The following TENM1 variants were observed in gnomAD, a reference collection of about 807,000 sequenced individuals.
TENM1 encodes the protein teneurin-1.
TENM1 carries 35 observed loss-of-function variants against 174.8 expected under a neutral mutation model. The observed-to-expected ratio is 0.20, with a 90% confidence interval of 0.15 to 0.27. The LOEUF (loss-of-function observed/expected upper bound fraction) is 0.27, where lower values mean the gene tolerates loss of function less well. Ranked by LOEUF, TENM1 falls within the 10% of genes least tolerant of loss-of-function variation. The pLI is 1.00. For missense variants in TENM1, 1,633 were observed against 2,130.1 expected, an observed-to-expected ratio of 0.77 and a Z score of 4.59; for synonymous variants, 781 against 798.7, an observed-to-expected ratio of 0.98 and a Z score of 0.37.
chrX:124,399,377 C>G (rs2060374551), intron 27 of TENM1, among the ~76,000 whole-genome samples: 1 of 112,045 alleles, frequency 8.9e-6, no homozygotes, highest in African/African-American at 3.3e-5. Flanking sequence ...ATTGCACCAT[C>G]CATGTCCCTC....
At chrX:124,704,678 T>C (rs1029048368) in intron 5 of TENM1, among the ~76,000 whole-genome samples, 22 of 111,312 alleles carry the variant, frequency 2.0e-4, no homozygotes, top group African/African-American at 6.9e-4. Context: ...TTAACTGTAA[T>C]TTAAGAAGCT....
the TENM1 span, among the ~76,000 whole-genome samples, chrX:125,103,144 C>T: frequency 3.6e-5 from 4 of 111,946 alleles, no homozygotes; most frequent in East Asian, 8.4e-4. Context: ...AACTATAAGG[C>T]AAAAGGTGGG....
At chrX:124,396,304 C>CT (rs1257692658) in intron 27 of TENM1, among the ~76,000 whole-genome samples, 38 of 70,396 alleles carry the variant, frequency 5.4e-4, no homozygotes, top group East Asian at 1.6e-3. Flanking sequence ...CTCTCCCAAC[C>CT]TTTTTTTTTT....
intron 3 of TENM1, among the ~76,000 whole-genome samples, chrX:124,862,207 T>C (rs1483094697): frequency 9.0e-6 from 1 of 111,471 alleles, no homozygotes; most frequent in Non-Finnish European, 1.9e-5. Context: ...AGGGGGAGGA[T>C]GTGGAGGAAG....
the TENM1 span, among the ~76,000 whole-genome samples, chrX:125,003,191 T>A: frequency 9.0e-6 from 1 of 111,340 alleles, no homozygotes; most frequent in African/African-American, 3.3e-5. Context: ...TAGGAAAAAG[T>A]TTGAGGAAAT....
At chrX:124,794,551 G>A (rs937663771) in intron 3 of TENM1, among the ~76,000 whole-genome samples, 6 of 110,337 alleles carry the variant, frequency 5.4e-5, no homozygotes, top group Non-Finnish European at 7.6e-5. Flanking sequence ...TGTTTCCACC[G>A]TCATCTCTCA....
chrX:124,414,353 C>T (rs1480220936), intron 25 of TENM1, among the ~76,000 whole-genome samples: 1 of 111,418 alleles, frequency 9.0e-6, no homozygotes, highest in African/African-American at 3.3e-5. Context: ...GAAGCCTTTG[C>T]CAGGGAAACA....
intron 14 of TENM1, among the ~76,000 whole-genome samples, chrX:124,559,071 G>A (rs2048755500): frequency 9.0e-6 from 1 of 111,192 alleles, no homozygotes; most frequent in Admixed American, 9.6e-5. Flanking sequence ...TGACCTTGAG[G>A]CCATAAAAAA....
chrX:124,716,449 C>T (rs2053184417), intron 4 of TENM1, among the ~76,000 whole-genome samples: 1 of 112,227 alleles, frequency 8.9e-6, no homozygotes, highest in Non-Finnish European at 1.9e-5. Flanking sequence ...CCCCAATCTC[C>T]TTCCTCATCC....
At chrX:124,857,192 T>C (rs2056830191) in intron 3 of TENM1, among the ~76,000 whole-genome samples, 1 of 111,214 alleles carries the variant, frequency 9.0e-6, no homozygotes, top group African/African-American at 3.3e-5. Context: ...ACCACATTTA[T>C]CATATTCTCA....
intron 3 of TENM1, among the ~76,000 whole-genome samples, chrX:124,799,377 G>A (rs1208624699): frequency 9.0e-6 from 1 of 110,537 alleles, no homozygotes; most frequent in African/African-American, 3.3e-5. Context: ...CTTGAGTAGT[G>A]GTCTGTGGTT....
chrX:124,410,912 T>G (rs911801521), intron 25 of TENM1, among the ~76,000 whole-genome samples: 1 of 111,815 alleles, frequency 8.9e-6, no homozygotes, highest in African/African-American at 3.3e-5. Flanking sequence ...GGCAGTTTCC[T>G]TCAGTCACAC....
At chrX:124,940,273 T>C (rs1006177017) in intron 1 of TENM1, among the ~76,000 whole-genome samples, 15 of 111,817 alleles carry the variant, frequency 1.3e-4, no homozygotes, top group African/African-American at 4.6e-4. Context: ...ACTGCTTCTA[T>C]ATCAGGGTGG....
At chrX:125,180,983 C>T in the TENM1 span, among the ~76,000 whole-genome samples, 2 of 111,901 alleles carry the variant, frequency 1.8e-5, no homozygotes, top group African/African-American at 6.5e-5. Flanking sequence ...ACCTCCTCCA[C>T]GAAGCGTTTC....
the TENM1 span, among the ~76,000 whole-genome samples, chrX:124,996,713 T>C: frequency 2.0e-4 from 22 of 111,020 alleles, no homozygotes; most frequent in African/African-American, 7.2e-4. Context: ...ATTTCGAAGG[T>C]ACAGCAGGCT....
chrX:125,129,350 T>C, the TENM1 span, among the ~76,000 whole-genome samples: 1 of 112,111 alleles, frequency 8.9e-6, no homozygotes, highest in Non-Finnish European at 1.9e-5. Context: ...AGTAGATGTA[T>C]ATATTTTTGG....
chrX:124,671,771 T>G, exon 6 of TENM1: 1 of 1,210,273 alleles, frequency 8.3e-7, no homozygotes, highest in Non-Finnish European at 1.1e-6. Context: ...CTTTGCTAAC[T>G]CCATTTGCAT....
the TENM1 span, among the ~76,000 whole-genome samples, chrX:125,051,052 T>C: frequency 1.3e-4 from 14 of 105,746 alleles, no homozygotes; most frequent in South Asian, 8.2e-4. Context: ...TATACACCAA[T>C]AACAGACAGA....
At chrX:124,980,235 A>G in the TENM1 span, among the ~76,000 whole-genome samples, 12 of 111,152 alleles carry the variant, frequency 1.1e-4, no homozygotes, top group Admixed American at 6.8e-4. Context: ...TGGAGGAAAG[A>G]AAGGGGAGTT....
Sources: allele counts gnomAD v4.1 joint callset (sites outside exome capture counted in the v4.1 genomes callset), GRCh38; gene constraint gnomAD v4.1.1; transcripts MANE v1.5; gene names NCBI Gene and HGNC (gene_info 2026-07-23, HGNC 2026-07-21).